PATJ: variants seen among roughly 807,000 people sequenced by gnomAD.
PATJ encodes the protein inaD-like protein.
Under a neutral mutation model 224.9 loss-of-function variants are expected in PATJ, and 190 were observed. The ratio of observed to expected loss-of-function variants is 0.84; its 90% confidence interval spans 0.75 to 0.95. The LOEUF (loss-of-function observed/expected upper bound fraction) is 0.95, where lower values mean the gene tolerates loss of function less well. Ranked by LOEUF, PATJ falls within the 40% of genes least tolerant of loss-of-function variation. The pLI is 0.00. For missense variants in PATJ, 2,121 were observed against 2,270.3 expected, an observed-to-expected ratio of 0.93 and a Z score of 1.34; for synonymous variants, 769 against 820.3, an observed-to-expected ratio of 0.94 and a Z score of 1.07.
intron 9 of PATJ, among the ~76,000 whole-genome samples, chr1:61,795,099 T>TAAAAAAAAAAAAAA (rs78496504): frequency 2.0e-5 from 2 of 101,196 alleles, no homozygotes; most frequent in African/African-American, 3.9e-5. Flanking sequence ...ATAGTGATGG[T>TAAAAAAAAAAAAAA]AAAAAAAAAA....
chr1:61,845,768 G>T (rs531551478), intron 17 of PATJ, among the ~76,000 whole-genome samples: 1 of 152,144 alleles, frequency 6.6e-6, no homozygotes, highest in Admixed American at 6.5e-5. Context: ...TGACTTTGAC[G>T]TGGCTGTGTT....
intron 22 of PATJ, 134 bp downstream of exon 22, chr1:61,884,542 T>A (rs1668564904): frequency 1.5e-6 from 1 of 651,372 alleles, no homozygotes. Flanking sequence ...TAAAATCCAC[T>A]ATATTTGACA....
At chr1:62,051,808 T>G (rs934667435) in intron 31 of PATJ, among the ~76,000 whole-genome samples, 1 of 152,232 alleles carries the variant, frequency 6.6e-6, no homozygotes, top group East Asian at 1.9e-4. Flanking sequence ...GAACTCTTTC[T>G]CCTTATGTAC....
chr1:61,994,804 T>G (rs559077012), intron 28 of PATJ, among the ~76,000 whole-genome samples: 1 of 152,294 alleles, frequency 6.6e-6, no homozygotes, highest in East Asian at 1.9e-4. Context: ...TCCACCTGCC[T>G]CAGCCTCTCA....
chr1:62,155,949 T>C (rs1669149743), intron 43 of PATJ, among the ~76,000 whole-genome samples: 1 of 141,962 alleles, frequency 7.0e-6, no homozygotes, highest in African/African-American at 2.6e-5. Context: ...TCCCAGCTAC[T>C]CGGGAGGCTG....
intron 14 of PATJ, among the ~76,000 whole-genome samples, chr1:61,814,547 T>TGCGCGCGCGC (rs1553168028): frequency 1.5e-4 from 22 of 142,572 alleles, no homozygotes; most frequent in African/African-American, 5.4e-4. Flanking sequence ...TGTGTGTGTG[T>TGCGCGCGCGC]GCGCGCGCGC....
intron 31 of PATJ, among the ~76,000 whole-genome samples, chr1:62,069,030 A>G (rs1392745695): frequency 6.6e-6 from 1 of 152,232 alleles, no homozygotes; most frequent in Non-Finnish European, 1.5e-5. Flanking sequence ...TAAACACAAA[A>G]TATGAAGGAA....
intron 39 of PATJ, among the ~76,000 whole-genome samples, chr1:62,125,265 A>C (rs1192835775): frequency 5.0e-5 from 3 of 59,970 alleles, no homozygotes; most frequent in Non-Finnish European, 1.5e-4. Context: ...AAAAAAAAAC[A>C]AAAAAAAAAC....
At chr1:61,945,005 C>T (rs1678443337) in intron 27 of PATJ, among the ~76,000 whole-genome samples, 1 of 152,106 alleles carries the variant, frequency 6.6e-6, no homozygotes, top group Non-Finnish European at 1.5e-5. Context: ...GAAATAAAAT[C>T]CTTTACAGAC....
Position 61,914,570 on chromosome 1 carries a change from T to G in PATJ, c.3493-17T>G, listed in dbSNP as rs756919939. 26 of 1,291,874 alleles carry G rather than the reference T, an allele frequency of 2.0e-5. No individual in the cohort carries two copies. The highest frequency in any genetic ancestry group is 2.8e-5 in the Non-Finnish European group (26 of 920,504). The allele number at this position is 1,291,874 out of a possible 1,614,324, so 80.0% of individuals were successfully genotyped here. ...TTAAACGTTTTCTTCCCCCCACCCC[T>G]TTTTTTGTCACCATAGGTCATTCCT... On this transcript the variant is annotated splice_polypyrimidine_tract_variant and intron_variant, in intron 25 of 43. Transcript: ENST00000642238.
At chr1:61,982,703 A>G (rs1375801534) in intron 27 of PATJ, among the ~76,000 whole-genome samples, 1 of 152,034 alleles carries the variant, frequency 6.6e-6, no homozygotes, top group East Asian at 1.9e-4. Context: ...ATTGAACTAT[A>G]TGCTAGAAGA....
At chr1:62,131,756 A>T (rs767694961) in intron 41 of PATJ, among the ~76,000 whole-genome samples, 1 of 152,224 alleles carries the variant, frequency 6.6e-6, no homozygotes, top group Non-Finnish European at 1.5e-5. Context: ...CACTGCACTC[A>T]GCTTGGGTGA....
At chr1:62,069,266 T>C (rs6674622) in intron 31 of PATJ, among the ~76,000 whole-genome samples, 68,431 of 152,008 alleles carry the variant, frequency 0.45, 15,963 homozygotes, top group African/African-American at 0.56. Context: ...CAGCAAGATG[T>C]GTCTGAGTTA....
Position 61,781,276 on chromosome 1 carries a change from T to G in PATJ, c.849+5942T>G, listed in dbSNP as rs143939006. On this transcript the variant is annotated intron_variant, in intron 7 of 43. Coordinates refer to ENST00000642238, the MANE Select transcript of PATJ (RefSeq NM_001350145.3). ...TAGCCAGCTCTAGGAACAAGAGAGCTATTATCTCTTCTAGGGCATATGGTA... is the reference window on the plus strand; with the variant it reads ...TAGCCAGCTCTAGGAACAAGAGAGCGATTATCTCTTCTAGGGCATATGGTA... 2.7e-3 allele frequency among the ~76,000 whole-genome samples: 416 copies of G among 152,334 alleles called. 2 individuals are homozygous for G. The highest frequency in any genetic ancestry group is 9.5e-3 in the African/African-American group (396 of 41,576).
intron 27 of PATJ, among the ~76,000 whole-genome samples, chr1:61,972,482 A>G (rs942683339): frequency 6.6e-6 from 1 of 152,080 alleles, no homozygotes; most frequent in East Asian, 1.9e-4. Flanking sequence ...TGTTAAAACA[A>G]TGCTATGTAC....
chr1:61,753,764 C>T (rs1481140693), intron 1 of PATJ, among the ~76,000 whole-genome samples: 1 of 151,758 alleles, frequency 6.6e-6, no homozygotes, highest in Non-Finnish European at 1.5e-5. Context: ...CCTGCCTTGG[C>T]CTCCCAAAGT....
At chr1:62,040,216 C>A (rs539292443) in intron 30 of PATJ, among the ~76,000 whole-genome samples, 5 of 150,860 alleles carry the variant, frequency 3.3e-5, no homozygotes, top group South Asian at 2.1e-4. Flanking sequence ...TCAAGCGATT[C>A]TTCTGCCTCA....
At chr1:61,836,599 G>A (rs953713047) in intron 17 of PATJ, among the ~76,000 whole-genome samples, 2 of 152,158 alleles carry the variant, frequency 1.3e-5, no homozygotes, top group Non-Finnish European at 2.9e-5. Flanking sequence ...TTTGTCAGTG[G>A]TACCTAGAAC....
At chr1:62,036,085 C>T (rs1650324844) in intron 29 of PATJ, among the ~76,000 whole-genome samples, 1 of 152,068 alleles carries the variant, frequency 6.6e-6, no homozygotes, top group Admixed American at 6.5e-5. Flanking sequence ...GGGGCTGGGA[C>T]CTCAGAGCTT....
Sources: allele counts gnomAD v4.1 joint callset (sites outside exome capture counted in the v4.1 genomes callset), GRCh38; gene constraint gnomAD v4.1.1; transcripts MANE v1.5; gene names NCBI Gene and HGNC (gene_info 2026-07-23, HGNC 2026-07-21).